Variants in PCDHGA4 observed in about 807,000 individuals in gnomAD.
PCDHGA4 encodes the protein protocadherin gamma-A4.
A neutral mutation model predicts 54.6 loss-of-function variants in PCDHGA4; 38 were observed. That is an observed-to-expected ratio of 0.70 (90% confidence interval 0.54 to 0.91). The LOEUF (loss-of-function observed/expected upper bound fraction) is 0.91, where lower values mean the gene tolerates loss of function less well. Ranked by LOEUF, PCDHGA4 falls within the 40% of genes least tolerant of loss-of-function variation. The probability of loss-of-function intolerance (pLI) is 0.00; values close to 1 mark genes in which losing one functional copy is unlikely to be tolerated. For missense variants in PCDHGA4, 1,298 were observed against 1,220.9 expected, an observed-to-expected ratio of 1.06 and a Z score of -0.94; for synonymous variants, 511 against 512.9, an observed-to-expected ratio of 1.00 and a Z score of 0.05.
chr5:141,396,179 C>G (rs948602586), intron 1 of PCDHGA4: 1 of 152,178 alleles, frequency 6.6e-6, no homozygotes, highest in African/African-American at 2.4e-5. Context: ...CTTGGCTGGA[C>G]ACAGTGCCTC....
Position 141,438,021 on chromosome 5 carries a change from G to T in PCDHGA4, c.2515-56786G>T, listed in dbSNP as rs112167613. ...CTCCCAAATAGCTGAGATTACAGGT[G>T]TGAGCCACCATGCCCGACCACTTTG... On this transcript the variant is annotated intron_variant, in intron 1 of 3. Transcript: ENST00000571252. Among the ~76,000 whole-genome samples the T allele has an allele frequency of 1.6e-3, 250 of 152,256 alleles. 2 individuals are homozygous for T. Among genetic ancestry groups the T allele is most frequent in the African/African-American group, 5.3e-3 (221 of 41,544 alleles).
rs762408704 is a variant in PCDHGA4 at position 141,486,335 on chromosome 5, C to G, written c.2515-8472C>G. 6.2e-7 allele frequency: 1 copy of G among 1,613,936 alleles called. No individual in the cohort carries two copies. The highest frequency in any genetic ancestry group is 8.5e-7 in the Non-Finnish European group (1 of 1,180,002). ...AGGGTCAAACGGAGATGTGAGCCTC[C>G]GCATTCCTGACCACTTGCCATTTGC... On this transcript the variant is annotated intron_variant, in intron 1 of 3. Transcript: ENST00000571252. This position sits in a 1 kb window ranked among gnomAD's most constrained non-coding sequence, Gnocchi z 5.0.
At position 141,491,566 on chromosome 5, in the gene PCDHGA4, A is replaced by G; in HGVS notation, c.2515-3241A>G. Reference sequence around the variant, plus strand: ...AGACTCGCAGAGCCACTGCTACAGGACGTGCTTTTCACCGGCCTCGGACGG... The same window carrying G: ...AGACTCGCAGAGCCACTGCTACAGGGCGTGCTTTTCACCGGCCTCGGACGG... On this transcript the variant is annotated intron_variant, in intron 1 of 3. Transcript: ENST00000571252. This position sits in a 1 kb window ranked among gnomAD's most constrained non-coding sequence, Gnocchi z 6.9. 1 of 1,613,950 alleles carries G rather than the reference A, an allele frequency of 6.2e-7. No individual in the cohort carries two copies.
chr5:141,481,924 A>G (rs1189494301), intron 1 of PCDHGA4, among the ~76,000 whole-genome samples: 1 of 151,648 alleles, frequency 6.6e-6, no homozygotes, highest in Non-Finnish European at 1.5e-5. Context: ...AAAAAAAAAA[A>G]AAAAAAAAAA....
At chr5:141,510,818 A>C in intron 3 of PCDHGA4, 129 bp from the exon 4 acceptor site, 1 of 1,551,540 alleles carries the variant, frequency 6.4e-7, no homozygotes, top group Non-Finnish European at 8.7e-7. Context: ...TGACCCCTAT[A>C]TTCCCAGTGC....
At chr5:141,366,522 G>C (rs1159035033) in intron 1 of PCDHGA4, 2 of 1,614,158 alleles carry the variant, frequency 1.2e-6, no homozygotes, top group Non-Finnish European at 1.7e-6. Context: ...GAAGGCAGCA[G>C]GTTGGCGGGT....
Position 141,487,246 on chromosome 5 carries a change from C to T in PCDHGA4, c.2515-7561C>T. 1 of 1,614,166 alleles carries T rather than the reference C, an allele frequency of 6.2e-7. No individual in the cohort carries two copies. The highest frequency in any genetic ancestry group is 8.5e-7 in the Non-Finnish European group (1 of 1,180,014). ...GGGAAGGAGAATCTCGTCTAACCCTCTACTTGGCTGTGTCCCTAGTGGCAA... is the reference window on the plus strand; with the variant it reads ...GGGAAGGAGAATCTCGTCTAACCCTTTACTTGGCTGTGTCCCTAGTGGCAA... On this transcript the variant is annotated intron_variant, in intron 1 of 3. Coordinates refer to ENST00000571252, the MANE Select transcript of PCDHGA4 (RefSeq NM_018917.4). This position sits in a 1 kb window ranked among gnomAD's most constrained non-coding sequence, Gnocchi z 5.0.
At position 141,438,631 on chromosome 5, in the gene PCDHGA4, T is replaced by C. The variant is rs1227796079; in HGVS notation, c.2515-56176T>C. 6.5e-4 allele frequency among the ~76,000 whole-genome samples: 28 copies of C among 43,202 alleles called. 1 individual carries two copies. Among genetic ancestry groups the C allele is most frequent in the Non-Finnish European group, 8.8e-4 (23 of 26,272 alleles). 28.3% of individuals were successfully genotyped at this position (43,202 alleles called of 152,430 possible). On this transcript the variant is annotated intron_variant, in intron 1 of 3. Transcript: ENST00000571252. ...ATATATATATATATATATATATATATATATACACACACACACACACATATA... is the reference window on the plus strand; with the variant it reads ...ATATATATATATATATATATATATACATATACACACACACACACACATATA...
intron 1 of PCDHGA4, chr5:141,423,426 GGCAGGTA>G: frequency 1.9e-6 from 3 of 1,614,028 alleles, no homozygotes; most frequent in Non-Finnish European, 2.5e-6. Flanking sequence ...AAGGCGGGTT[GGCAGGTA>G]TGCCCACGTC....
chr5:141,419,735 G>T (rs1013306543), intron 1 of PCDHGA4: 1 of 1,613,806 alleles, frequency 6.2e-7, no homozygotes, highest in Non-Finnish European at 8.5e-7. Context: ...AACAGGCGAG[G>T]TGCGCATGGT....
chr5:141,388,662 A>T, intron 1 of PCDHGA4: 1 of 1,613,954 alleles, frequency 6.2e-7, no homozygotes, highest in Non-Finnish European at 8.5e-7. Flanking sequence ...CCCGGGGACC[A>T]CGGTGCTACA....
chr5:141,487,237 T>G lies in PCDHGA4; in HGVS notation c.2515-7570T>G, dbSNP rs1327004790. ...CAGCTCCAAGGGAAGGAGAATCTCGTCTAACCCTCTACTTGGCTGTGTCCC... is the reference window on the plus strand; with the variant it reads ...CAGCTCCAAGGGAAGGAGAATCTCGGCTAACCCTCTACTTGGCTGTGTCCC... On this transcript the variant is annotated intron_variant, in intron 1 of 3. Transcript: ENST00000571252. This position sits in a 1 kb window ranked among gnomAD's most constrained non-coding sequence, Gnocchi z 5.0. 1.2e-6 allele frequency: 2 copies of G among 1,614,004 alleles called. No individual in the cohort carries two copies. The highest frequency in any genetic ancestry group is 1.7e-6 in the Non-Finnish European group (2 of 1,179,988).
At chr5:141,392,732 T>C in intron 1 of PCDHGA4, 1 of 1,414,588 alleles carries the variant, frequency 7.1e-7, no homozygotes. Context: ...AGGATTGTCA[T>C]CTCCATAGCT....
rs1360494290 is a variant in PCDHGA4 at position 141,433,285 on chromosome 5, C to T, written c.2515-61522C>T. On this transcript the variant is annotated intron_variant, in intron 1 of 3. Coordinates refer to ENST00000571252, the MANE Select transcript of PCDHGA4 (RefSeq NM_018917.4). ...CATAGCTCACTGCAGCCTCAAACTCCTAGGCTCAAGCAATTATCCCACCTT... is the reference window on the plus strand; with the variant it reads ...CATAGCTCACTGCAGCCTCAAACTCTTAGGCTCAAGCAATTATCCCACCTT... The T allele has an allele frequency of 6.8e-6, 8 of 1,169,708 alleles. No individual in the cohort carries two copies. In the East Asian group the frequency reaches 1.7e-4, roughly 25 times the overall value. The allele number at this position is 1,169,708 out of a possible 1,614,324, so 72.5% of individuals were successfully genotyped here. A position where few individuals can be genotyped will look rare whatever the true frequency, so the allele number is the denominator to read the frequency against.
rs780788394 is a variant in PCDHGA4 at position 141,491,675 on chromosome 5, C to T, written c.2515-3132C>T. ...GAGCCTGACGCCATCCGGTCCCGCT[C>T]TAATACGCTGCGGGAGCGGAGCCAG... On this transcript the variant is annotated intron_variant, in intron 1 of 3. Transcript: ENST00000571252. The surrounding 1 kb of genome is among the most constrained non-coding windows in gnomAD (Gnocchi z 6.9). 6 of 1,613,450 alleles carry T rather than the reference C, an allele frequency of 3.7e-6. No homozygotes were observed. The African/African-American group carries it at 8.0e-5, about 22-fold the overall frequency.
At chr5:141,437,032 C>T (rs2097859215) in intron 1 of PCDHGA4, among the ~76,000 whole-genome samples, 1 of 152,182 alleles carries the variant, frequency 6.6e-6, no homozygotes, top group Admixed American at 6.5e-5. Context: ...GAAAATGGAT[C>T]ACCGAAACCA....
In PCDHGA4 at chr5:141,356,880, T is replaced by C; in HGVS notation, c.1773T>C (p.Pro591=). ...LFVLDQNDNV[P]EILYPTFPTD... ...TGCTGGACCAGAACGACAATGTCCCTGAGATCCTGTACCCCACCTTCCCTA... is the reference window on the plus strand; with the variant it reads ...TGCTGGACCAGAACGACAATGTCCCCGAGATCCTGTACCCCACCTTCCCTA... The change falls in exon 1 of 4, where the codon CCT becomes CCC. Residue 591 remains proline (P), a synonymous_variant. Coordinates refer to ENST00000571252, the MANE Select transcript of PCDHGA4 (RefSeq NM_018917.4). 3 of 1,614,204 alleles carry C rather than the reference T, an allele frequency of 1.9e-6. No individual in the cohort carries two copies. Among genetic ancestry groups the C allele is most frequent in the Non-Finnish European group, 8.5e-7 (1 of 1,180,018 alleles).
intron 1 of PCDHGA4, chr5:141,433,272 C>G (rs1161817377): frequency 8.0e-7 from 1 of 1,252,412 alleles, no homozygotes; most frequent in Non-Finnish European, 1.1e-6. Flanking sequence ...TAGCTCACTG[C>G]AGCCTCAAAC....
intron 1 of PCDHGA4, among the ~76,000 whole-genome samples, chr5:141,472,422 C>T (rs1328468154): frequency 6.6e-6 from 1 of 152,008 alleles, no homozygotes; most frequent in East Asian, 1.9e-4. Flanking sequence ...GCACCTGTAT[C>T]CCAGCTACTA....
Sources: allele counts gnomAD v4.1 joint callset (sites outside exome capture counted in the v4.1 genomes callset), GRCh38; gene constraint gnomAD v4.1.1; non-coding constraint Gnocchi (gnomAD v3.1); transcripts MANE v1.5; gene names NCBI Gene and HGNC (gene_info 2026-07-23, HGNC 2026-07-21).